The following TENM4 variants were observed in gnomAD, a reference collection of about 807,000 sequenced individuals.
TENM4 encodes teneurin transmembrane protein 4.
A neutral mutation model predicts 243.3 loss-of-function variants in TENM4; 82 were observed. The observed-to-expected ratio is 0.34, with a 90% CI of 0.28 to 0.40. TENM4 has a LOEUF of 0.40. Among genes scored for constraint, TENM4 ranks in the 10% least tolerant of loss-of-function variants. The pLI, the probability that TENM4 is intolerant of heterozygous loss-of-function variation, is 1.00. For synonymous variants in TENM4, 1,412 were observed against 1,456.3 expected (o/e 0.97, Z 0.69); for missense variants, 3,138 against 3,673.3 (o/e 0.85, Z 3.77).
intron 4 of TENM4, among the ~76,000 whole-genome samples, chr11:79,115,036 G>C (rs1861590088): frequency 6.6e-6 from 1 of 152,172 alleles, no homozygotes; most frequent in South Asian, 2.1e-4. Context: ...TAGTCAGGGA[G>C]ATTGATAATA....
intron 19 of TENM4, among the ~76,000 whole-genome samples, chr11:78,754,037 C>G (rs910838268): frequency 2.0e-5 from 3 of 152,174 alleles, no homozygotes; most frequent in African/African-American, 7.2e-5. Flanking sequence ...CTCAGTTCTT[C>G]CATTTCTTTA....
chr11:79,162,759 T>C (rs895188365), intron 3 of TENM4, among the ~76,000 whole-genome samples: 2 of 152,074 alleles, frequency 1.3e-5, no homozygotes, highest in African/African-American at 2.4e-5. Context: ...TGGCACCAGG[T>C]GGCAGGTCCT....
At chr11:79,131,530 C>A (rs1862003124) in intron 4 of TENM4, among the ~76,000 whole-genome samples, 1 of 152,194 alleles carries the variant, frequency 6.6e-6, no homozygotes, top group Non-Finnish European at 1.5e-5. Flanking sequence ...CTAAAGGGAG[C>A]TCTAAATCTT....
At chr11:79,257,860 G>A (rs1590830826) in intron 2 of TENM4, among the ~76,000 whole-genome samples, 2 of 152,220 alleles carry the variant, frequency 1.3e-5, no homozygotes, top group East Asian at 3.9e-4. Flanking sequence ...CATAGATAAT[G>A]TGGTTTTAAC....
chr11:79,290,921 G>T lies in TENM4; in HGVS notation c.-265+6567C>A, dbSNP rs185086214. Among the ~76,000 whole-genome samples the T allele has an allele frequency of 6.6e-5, 10 of 152,264 alleles. No individual in the cohort carries two copies. The East Asian group carries it at 1.9e-3, about 29-fold the overall frequency. ...ACATCCTGCTCATTTAGAGCTGTTT[G>T]TTTGTAAAGGCACAGCTGAGTGAAT... On this transcript the variant is annotated intron_variant, in intron 2 of 33. Coordinates refer to ENST00000278550, the MANE Select transcript of TENM4 (RefSeq NM_001098816.3).
At chr11:78,759,408 G>A (rs997833672) in intron 18 of TENM4, among the ~76,000 whole-genome samples, 1 of 152,236 alleles carries the variant, frequency 6.6e-6, no homozygotes, top group Non-Finnish European at 1.5e-5. Flanking sequence ...CAATCCCAGT[G>A]AGCAGGGACA....
intron 2 of TENM4, among the ~76,000 whole-genome samples, chr11:79,248,076 G>A (rs1442698643): frequency 6.6e-6 from 1 of 152,150 alleles, no homozygotes; most frequent in Non-Finnish European, 1.5e-5. Flanking sequence ...AAGATGACGT[G>A]GCTCATTGGG....
At chr11:79,406,460 G>C (rs1858575951) in intron 1 of TENM4, among the ~76,000 whole-genome samples, 2 of 152,136 alleles carry the variant, frequency 1.3e-5, no homozygotes, top group Admixed American at 1.3e-4. Flanking sequence ...ACAAGCATTG[G>C]CGAGGTATTA....
chr11:79,265,519 T>G lies in TENM4; in HGVS notation c.-265+31969A>C, dbSNP rs58993868. On this transcript the variant is annotated intron_variant, in intron 2 of 33. Coordinates refer to ENST00000278550, the MANE Select transcript of TENM4 (RefSeq NM_001098816.3). Reference sequence around the variant, plus strand: ...GATATTTTGAATAGATTGTGTTACATGTATGATTAAAATTAATTTCCCCTG... The same window carrying G: ...GATATTTTGAATAGATTGTGTTACAGGTATGATTAAAATTAATTTCCCCTG... Among the ~76,000 whole-genome samples, 1,213 of 136,274 alleles carry G rather than the reference T, an allele frequency of 8.9e-3. 14 individuals carry two copies. Among genetic ancestry groups the G allele is most frequent in the African/African-American group, 0.032 (1,168 of 36,222 alleles). The allele number at this position is 136,274 out of a possible 152,430, so 89.4% of individuals were successfully genotyped here.
intron 3 of TENM4, among the ~76,000 whole-genome samples, chr11:79,212,422 C>T (rs529853477): frequency 6.6e-6 from 1 of 152,300 alleles, no homozygotes; most frequent in Non-Finnish European, 1.5e-5. Flanking sequence ...TTTTTCTTCT[C>T]CTCTTCCCTT....
chr11:78,708,746 C>T (rs557456112), intron 26 of TENM4, among the ~76,000 whole-genome samples: 1 of 152,268 alleles, frequency 6.6e-6, no homozygotes, highest in South Asian at 2.1e-4. Flanking sequence ...CTGGTCCTCC[C>T]ACCTTGCTGC....
At chr11:79,278,184 T>G (rs1168129348) in intron 2 of TENM4, among the ~76,000 whole-genome samples, 1 of 152,210 alleles carries the variant, frequency 6.6e-6, no homozygotes, top group Non-Finnish European at 1.5e-5. Context: ...TTTCCCACCT[T>G]GTTCCGATGA....
At chr11:78,947,662 A>T (rs917902715) in intron 6 of TENM4, among the ~76,000 whole-genome samples, 2 of 152,216 alleles carry the variant, frequency 1.3e-5, no homozygotes, top group African/African-American at 4.8e-5. Context: ...GCTGCTGTAA[A>T]GCTCAGGTTA....
chr11:79,174,490 G>T (rs751057426), intron 3 of TENM4, among the ~76,000 whole-genome samples: 52 of 152,070 alleles, frequency 3.4e-4, no homozygotes, highest in Non-Finnish European at 5.0e-4. Context: ...GCTGTGCCTA[G>T]TGCATGTCTT....
intron 7 of TENM4, among the ~76,000 whole-genome samples, chr11:78,902,761 G>T: frequency 6.6e-6 from 1 of 152,328 alleles, no homozygotes; most frequent in East Asian, 1.9e-4. Flanking sequence ...CAGCAGGGAA[G>T]GAGGAGAGGT....
At chr11:78,848,829 G>GAGGA (rs67325005) in intron 12 of TENM4, among the ~76,000 whole-genome samples, 1 of 151,276 alleles carries the variant, frequency 6.6e-6, no homozygotes, top group African/African-American at 2.4e-5. Flanking sequence ...GGAAAGCAAA[G>GAGGA]AGGAAGGAAG....
At chr11:79,245,593 G>T (rs939114888) in intron 2 of TENM4, among the ~76,000 whole-genome samples, 4 of 152,124 alleles carry the variant, frequency 2.6e-5, no homozygotes, top group Non-Finnish European at 1.5e-5. Flanking sequence ...GAGATGTCAC[G>T]TGAAAAGTAC....
At chr11:78,732,232 T>C in intron 21 of TENM4, 84 bp downstream of exon 21, 5 of 1,512,050 alleles carry the variant, frequency 3.3e-6, no homozygotes, top group Non-Finnish European at 4.4e-6. Context: ...AGGTGTTTTT[T>C]CTCTTTCCAC....
At chr11:79,092,155 A>G (rs1860972293) in intron 4 of TENM4, among the ~76,000 whole-genome samples, 1 of 151,310 alleles carries the variant, frequency 6.6e-6, no homozygotes, top group African/African-American at 2.4e-5. Flanking sequence ...CTCCATTCCA[A>G]CTCCATCTCT....
Sources: allele counts gnomAD v4.1 joint callset (sites outside exome capture counted in the v4.1 genomes callset), GRCh38; gene constraint gnomAD v4.1.1; transcripts MANE v1.5; gene names NCBI Gene and HGNC (gene_info 2026-07-23, HGNC 2026-07-21).